COL6A6: variants seen among roughly 807,000 people sequenced by gnomAD.
COL6A6 encodes the protein collagen type VI alpha 6 chain.
A neutral mutation model predicts 208.6 loss-of-function variants in COL6A6; 183 were observed. The ratio of observed to expected loss-of-function variants is 0.88; its 90% CI spans 0.78 to 0.99. The LOEUF is 0.99. Among genes scored for constraint, COL6A6 ranks in the 50% least tolerant of loss-of-function variants. The probability of loss-of-function intolerance (pLI) is 0.00; values close to 1 mark genes in which losing one functional copy is unlikely to be tolerated. For synonymous variants in COL6A6, 973 were observed against 1,011.8 expected, an observed-to-expected ratio of 0.96 and a Z score of 0.73; for missense variants, 2,816 against 2,815.2, an observed-to-expected ratio of 1.00 and a Z score of -0.01.
chr3:130,618,546 T>A (rs1161888062), intron 23 of COL6A6, among the ~76,000 whole-genome samples: 1 of 152,242 alleles, frequency 6.6e-6, no homozygotes, highest in Non-Finnish European at 1.5e-5. Context: ...TTCTTTGATA[T>A]CTTTCTGAGG....
At chr3:130,597,386 TA>T (rs1301454007) in intron 18 of COL6A6, among the ~76,000 whole-genome samples, 2 of 152,232 alleles carry the variant, frequency 1.3e-5, no homozygotes, top group Admixed American at 1.3e-4. Flanking sequence ...TTCATCCCAT[TA>T]ACTTATAAGC....
intron 17 of COL6A6, 65 bp downstream of exon 17, chr3:130,593,317 A>G: frequency 8.0e-7 from 1 of 1,255,616 alleles, no homozygotes; most frequent in Non-Finnish European, 1.2e-6. Flanking sequence ...TTAACAGAGT[A>G]GAATACTCAG....
intron 1 of COL6A6, among the ~76,000 whole-genome samples, chr3:130,531,039 GACAC>G (rs66824865): frequency 0.039 from 5,409 of 137,682 alleles, 148 homozygotes; most frequent in African/African-American, 0.059. Context: ...CACACACACA[GACAC>G]ACACACACAC....
chr3:130,548,587 T>A (rs2062572926), intron 1 of COL6A6, among the ~76,000 whole-genome samples: 1 of 152,264 alleles, frequency 6.6e-6, no homozygotes, highest in South Asian at 2.1e-4. Flanking sequence ...CAAAGTGCTC[T>A]GGCATATTTC....
chr3:130,674,088 C>T (rs1161856929), intron 36 of COL6A6, among the ~76,000 whole-genome samples: 3 of 152,254 alleles, frequency 2.0e-5, no homozygotes, highest in South Asian at 2.1e-4. Context: ...CAAAGCTGCT[C>T]GGCTAGGGGC....
chr3:130,593,059 A>C lies in COL6A6; in HGVS notation c.4372-2A>C, dbSNP rs747569649. 6.2e-7 allele frequency: 1 copy of C among 1,612,992 alleles called. No individual in the cohort carries two copies. Among genetic ancestry groups the C allele is most frequent in the Non-Finnish European group, 8.5e-7 (1 of 1,178,980 alleles). ...CTGTTCTAATCATATCTATCTTTTCAGGGAGAAGTTGGGGAAAATGGAATT... is the reference window on the plus strand; with the variant it reads ...CTGTTCTAATCATATCTATCTTTTCCGGGAGAAGTTGGGGAAAATGGAATT... On this transcript the variant is annotated splice_acceptor_variant, in intron 15 of 36. Coordinates refer to ENST00000358511, the MANE Select transcript of COL6A6 (RefSeq NM_001102608.3). LOFTEE classifies it high-confidence loss of function.
At chr3:130,557,092 G>C (rs536232115) in intron 1 of COL6A6, among the ~76,000 whole-genome samples, 1 of 152,132 alleles carries the variant, frequency 6.6e-6, no homozygotes, top group South Asian at 2.1e-4. Flanking sequence ...TGGTGTTTAA[G>C]GTCACACGGC....
At chr3:130,517,075 C>G (rs527893087), upstream of COL6A6, among the ~76,000 whole-genome samples, 34 of 152,214 alleles carry the variant, frequency 2.2e-4, no homozygotes, top group African/African-American at 7.7e-4. Flanking sequence ...GCTGCGCCCC[C>G]CTCCTGGGGG....
intron 13 of COL6A6, among the ~76,000 whole-genome samples, chr3:130,591,420 T>G (rs1175733259): frequency 6.6e-6 from 1 of 152,196 alleles, no homozygotes; most frequent in East Asian, 1.9e-4. Flanking sequence ...ACATTGTGTA[T>G]CAAGGACCCC....
At chr3:130,600,892 A>G (rs1484645928) in intron 20 of COL6A6, among the ~76,000 whole-genome samples, 2 of 150,726 alleles carry the variant, frequency 1.3e-5, no homozygotes, top group African/African-American at 2.4e-5. Flanking sequence ...TTAAAACAGG[A>G]AAAAAAAAGG....
chr3:130,568,229 C>T lies in COL6A6; in HGVS notation c.2026C>T (p.Leu676Phe). ...CGACATCAATAAGGAAGAGTTTCAGCTCAACAGATTCATGTCCCAAAGCGA... is the reference window on the plus strand; with the variant it reads ...CGACATCAATAAGGAAGAGTTTCAGTTCAACAGATTCATGTCCCAAAGCGA... ...FSDINKEEFQ[L>F]NRFMSQSDIS... Residue 676 changes from leucine (L) to phenylalanine (F), a missense_variant, in exon 6 of 37, where the codon CTC becomes TTC. Physicochemically the swap from Leu to Phe is conservative, Grantham distance 22 (BLOSUM62 0). Coordinates refer to ENST00000358511, the MANE Select transcript of COL6A6 (RefSeq NM_001102608.3). 6.2e-7 allele frequency: 1 copy of T among 1,614,016 alleles called. No homozygotes were observed. The highest frequency in any genetic ancestry group is 8.5e-7 in the Non-Finnish European group (1 of 1,179,906).
intron 35 of COL6A6, among the ~76,000 whole-genome samples, chr3:130,662,758 G>A (rs1291462021): frequency 2.0e-5 from 3 of 152,196 alleles, no homozygotes; most frequent in Non-Finnish European, 2.9e-5. Context: ...ACAAGTTCCT[G>A]AGGCAGAGTT....
intron 24 of COL6A6, 149 bp downstream of exon 24, chr3:130,622,032 C>A: frequency 1.5e-6 from 1 of 651,554 alleles, no homozygotes; most frequent in Admixed American, 2.7e-5. Context: ...AGCCAACAAC[C>A]TCTAAGGACA....
At chr3:130,672,034 T>C (rs16830852) in intron 36 of COL6A6, among the ~76,000 whole-genome samples, 3,669 of 152,322 alleles carry the variant, frequency 0.024, 137 homozygotes, top group East Asian at 0.1. Flanking sequence ...ATAATTCTGC[T>C]TTCCAAAGTA....
At position 130,628,744 on chromosome 3, in the gene COL6A6, G is replaced by A. The variant is rs367768501; in HGVS notation, c.4992+1375G>A. Among the ~76,000 whole-genome samples, 28 of 122,154 alleles carry A rather than the reference G, an allele frequency of 2.3e-4. 3 individuals are homozygous for A. In the South Asian group the frequency reaches 4.6e-3, roughly 20 times the overall value. The allele number at this position is 122,154 out of a possible 152,430, so 80.1% of individuals were successfully genotyped here. ...TTTTAAGATCGTGTCGAAGATGGCC[G>A]AATAGGAACAGCTCCGGTCTACAGC... On this transcript the variant is annotated intron_variant, in intron 26 of 36. Coordinates refer to ENST00000358511, the MANE Select transcript of COL6A6 (RefSeq NM_001102608.3).
intron 1 of COL6A6, among the ~76,000 whole-genome samples, chr3:130,537,390 C>T (rs1342903500): frequency 2.0e-5 from 3 of 152,156 alleles, no homozygotes; most frequent in Non-Finnish European, 2.9e-5. Context: ...AGCTGTTATT[C>T]GTTCCAGAAA....
At position 130,586,493 on chromosome 3, in the gene COL6A6, C is replaced by G; in HGVS notation, c.3971-13C>G. The G allele has an allele frequency of 1.9e-6, 3 of 1,596,426 alleles. No individual in the cohort carries two copies. Among genetic ancestry groups the G allele is most frequent in the Non-Finnish European group, 2.6e-6 (3 of 1,173,394 alleles). On this transcript the variant is annotated splice_polypyrimidine_tract_variant and intron_variant, in intron 10 of 36. Coordinates refer to ENST00000358511, the MANE Select transcript of COL6A6 (RefSeq NM_001102608.3). ...CCCACCTCACCTGGAACATTGTAAA[C>G]TGTGTTGGATAGGCCTGAATGCCCT...
intron 1 of COL6A6, among the ~76,000 whole-genome samples, chr3:130,529,465 T>C (rs2062034153): frequency 6.6e-6 from 1 of 152,106 alleles, no homozygotes; most frequent in African/African-American, 2.4e-5. Context: ...ATTGTGCAGA[T>C]TGTATGATGA....
chr3:130,542,389 A>C (rs1427055105), intron 1 of COL6A6, among the ~76,000 whole-genome samples: 1 of 151,966 alleles, frequency 6.6e-6, no homozygotes, highest in African/African-American at 2.4e-5. Flanking sequence ...GTGAGAGCAG[A>C]CATTGTATGA....
Sources: gnomAD v4.1 joint callset for allele counts (sites outside exome capture counted in the v4.1 genomes callset) on GRCh38, gnomAD v4.1.1 for gene constraint, MANE v1.5 for transcripts, NCBI Gene and HGNC (gene_info 2026-07-23, HGNC 2026-07-21) for gene names.